Variants in CLTC observed in about 807,000 individuals in gnomAD.
The protein encoded by CLTC is clathrin heavy chain 1.
CLTC carries 16 observed loss-of-function variants against 195.8 expected under a neutral mutation model. The ratio of observed to expected loss-of-function variants is 0.08; its 90% CI spans 0.06 to 0.12. The LOEUF (loss-of-function observed/expected upper bound fraction) is 0.12. Ranked by LOEUF, CLTC falls within the 10% of genes least tolerant of loss-of-function variation. The pLI is 1.00. For missense variants in CLTC, 796 were observed against 2,027.0 expected (o/e 0.39, Z 11.66); for synonymous variants, 667 against 689.4 (o/e 0.97, Z 0.51).
At chr17:59,623,631 G>A (rs1312899637) in intron 1 of CLTC, among the ~76,000 whole-genome samples, 1 of 152,070 alleles carries the variant, frequency 6.6e-6, no homozygotes, top group Non-Finnish European at 1.5e-5. Flanking sequence ...CATTTATATC[G>A]AATCCTCAGC....
intron 1 of CLTC, among the ~76,000 whole-genome samples, chr17:59,623,160 A>C (rs2031436627): frequency 1.3e-5 from 2 of 152,142 alleles, no homozygotes; most frequent in Admixed American, 6.5e-5. Flanking sequence ...TTCAATTAAA[A>C]ATCTCCCTAC....
At chr17:59,684,447 C>G (rs930253709) in intron 28 of CLTC, 4 of 169,932 alleles carry the variant, frequency 2.4e-5, no homozygotes, top group African/African-American at 4.8e-5. Flanking sequence ...CTTTGAGGCT[C>G]AGCGCATGCA....
rs2143595404 is a variant in CLTC, at chr17:59,683,097, T to C, written c.3876T>C (p.Asp1292=). 1 of 1,614,096 alleles carries C rather than the reference T, an allele frequency of 6.2e-7. No homozygotes were observed. Among genetic ancestry groups the C allele is most frequent in the East Asian group, 2.2e-5 (1 of 44,878 alleles). Residue 1292 remains aspartate, a splice_region_variant and synonymous_variant, in exon 25 of 32, where the codon GAT becomes GAC. Transcript: ENST00000269122. The surrounding 1 kb of genome is among the most constrained non-coding windows in gnomAD (Gnocchi z 6.1). ...ELEELINYYQ[D]RGYFEELITM... ...AACTGCACATTTCTCTTGTTCAGGA[T>C]CGTGGCTATTTTGAAGAGCTGATCA...
At chr17:59,627,663 G>A (rs1304493300) in intron 1 of CLTC, among the ~76,000 whole-genome samples, 1 of 152,104 alleles carries the variant, frequency 6.6e-6, no homozygotes, top group African/African-American at 2.4e-5. Context: ...TTTATGCCTT[G>A]AATGATTATT....
In CLTC at chr17:59,695,318, A is replaced by G. The variant is rs2033395080; in HGVS notation, c.*1466A>G. On this transcript the variant is annotated 3_prime_UTR_variant, in exon 32 of 32. Coordinates refer to ENST00000269122, the MANE Select transcript of CLTC (RefSeq NM_004859.4). ...GCACTGCTTTACAACTCTCTTAGGC[A>G]AATTACCTAACATAAGCTCCACAGA... 5.4e-6 allele frequency: 1 copy of G among 186,158 alleles called. No individual in the cohort carries two copies. The highest frequency in any genetic ancestry group is 2.0e-4 in the South Asian group (1 of 5,110). The allele number at this position is 186,158 out of a possible 1,614,324, so 11.5% of individuals were successfully genotyped here.
chr17:59,661,495 A>C lies in CLTC; in HGVS notation c.1220A>C (p.Gln407Pro). ...CGTCGGTTCCAGAGTGTCCCAGCCC[A>C]GCCAGGTCAAACTTCTCCTCTACTT... ...TIRRFQSVPA[Q>P]PGQTSPLLQY... The change falls in exon 8 of 32, where the codon CAG becomes CCG. Residue 407 changes from glutamine to proline, a missense_variant. Gln to Pro is a moderately conservative substitution (Grantham distance 76). This residue lies in a region of CLTC where 293 missense variants were observed against 795.6 expected (regional missense o/e 0.37). Transcript: ENST00000269122. The C allele has an allele frequency of 1.2e-6, 2 of 1,614,160 alleles. No individual in the cohort carries two copies. The highest frequency in any genetic ancestry group is 1.7e-6 in the Non-Finnish European group (2 of 1,180,008).
rs776796665 is a variant in CLTC, at chr17:59,679,323, G to C, written c.2797-74G>C. The stretch of plus-strand genomic sequence containing the variant: ...ATCAATAAACATAGTTTAAAAGATA[G>C]GAAATACCCTCTAAAATGCTATAAA... On this transcript the variant is annotated intron_variant, in intron 17 of 31. Coordinates refer to ENST00000269122, the MANE Select transcript of CLTC (RefSeq NM_004859.4). The C allele has an allele frequency of 4.8e-6, 6 of 1,256,476 alleles. No homozygotes were observed. The Admixed American group carries it at 7.3e-5, about 15-fold the overall frequency. 77.8% of individuals were successfully genotyped at this position (1,256,476 alleles called of 1,614,324 possible). A position where few individuals can be genotyped will look rare whatever the true frequency, so the allele number is the denominator to read the frequency against.
intron 1 of CLTC, among the ~76,000 whole-genome samples, chr17:59,624,001 G>A (rs2031465402): frequency 6.6e-6 from 1 of 152,236 alleles, no homozygotes; most frequent in Admixed American, 6.5e-5. Context: ...AGAATATTTC[G>A]TTAGCTAAAA....
Position 59,683,971 on chromosome 17 carries a change from G to C in CLTC, c.4420G>C (p.Glu1474Gln). Residue 1474 changes from glutamate to glutamine, a missense_variant, in exon 28 of 32, where the codon GAA becomes CAA. Physicochemically the swap from Glu to Gln is conservative, Grantham distance 29 (BLOSUM62 2). Transcript: ENST00000269122. The surrounding 1 kb of genome is among the most constrained non-coding windows in gnomAD (Gnocchi z 6.1). ...NESLNNLFIT[E>Q]EDYQALRTSI... ...ATCATTGAACAATCTTTTTATTACA[G>C]AAGAAGATTATCAGGTAAAACCTTT... 1 of 1,582,740 alleles carries C rather than the reference G, an allele frequency of 6.3e-7. No homozygotes were observed. Among genetic ancestry groups the C allele is most frequent in the Non-Finnish European group, 8.7e-7 (1 of 1,151,642 alleles).
intron 1 of CLTC, among the ~76,000 whole-genome samples, chr17:59,634,350 C>G (rs2031805986): frequency 6.6e-6 from 1 of 152,170 alleles, no homozygotes; most frequent in Admixed American, 6.5e-5. Context: ...AAGTCATATC[C>G]ATCTCCAAGA....
chr17:59,687,467 G>A (rs1051993105), intron 30 of CLTC, among the ~76,000 whole-genome samples: 4 of 150,714 alleles, frequency 2.7e-5, no homozygotes, highest in Non-Finnish European at 4.4e-5. Flanking sequence ...ATATATACAT[G>A]CCCTAAAAGG....
intron 1 of CLTC, among the ~76,000 whole-genome samples, chr17:59,633,562 G>A (rs1377378981): frequency 6.6e-6 from 1 of 152,324 alleles, no homozygotes; most frequent in Non-Finnish European, 1.5e-5. Flanking sequence ...ATAACTTGTA[G>A]CACCTGGTAG....
At position 59,619,971 on chromosome 17, in the gene CLTC, C is replaced by G; in HGVS notation, c.-161C>G. 2 of 629,952 alleles carry G rather than the reference C, an allele frequency of 3.2e-6. No homozygotes were observed. Among genetic ancestry groups the G allele is most frequent in the Non-Finnish European group, 5.6e-6 (2 of 357,880 alleles). 39.0% of individuals were successfully genotyped at this position (629,952 alleles called of 1,614,324 possible). A position where few individuals can be genotyped will look rare whatever the true frequency, so the allele number is the denominator to read the frequency against. On this transcript the variant is annotated 5_prime_UTR_variant, in exon 1 of 32. Transcript: ENST00000269122. ...GGCCCCTGGAGCCTCCGCCCCCGACCCGAGCTCTTTCGTCTGCCTGCCAGT... is the reference window on the plus strand; with the variant it reads ...GGCCCCTGGAGCCTCCGCCCCCGACGCGAGCTCTTTCGTCTGCCTGCCAGT...
chr17:59,667,183 T>C (rs1351844863), intron 13 of CLTC: 5 of 366,108 alleles, frequency 1.4e-5, no homozygotes, highest in African/African-American at 1.0e-4. Context: ...TCTGTTTGGA[T>C]ATTTTATAGA....
At chr17:59,641,632 T>G (rs1372613078) in intron 1 of CLTC, among the ~76,000 whole-genome samples, 1 of 140,862 alleles carries the variant, frequency 7.1e-6, no homozygotes, top group African/African-American at 2.6e-5. Context: ...AAAAAAGAGT[T>G]TGTCACTTGC....
chr17:59,684,828 GC>G (rs1175583438), intron 28 of CLTC, among the ~76,000 whole-genome samples: 1 of 126,136 alleles, frequency 7.9e-6, no homozygotes, highest in African/African-American at 3.0e-5. Context: ...AAAAAATCTT[GC>G]CCTCCAAATT....
chr17:59,685,883 A>G lies in CLTC; in HGVS notation c.4827+75A>G. Reference sequence around the variant, plus strand: ...TTCTACATGCACATTAATTTTTTTAAATGCTTTTTTCTTTAGTAGAAGTAA... The same window carrying G: ...TTCTACATGCACATTAATTTTTTTAGATGCTTTTTTCTTTAGTAGAAGTAA... On this transcript the variant is annotated intron_variant, in intron 30 of 31. Transcript: ENST00000269122. This position sits in a 1 kb window ranked among gnomAD's most constrained non-coding sequence, Gnocchi z 5.0. 8.6e-7 allele frequency: 1 copy of G among 1,163,566 alleles called. No individual in the cohort carries two copies. The allele number at this position is 1,163,566 out of a possible 1,614,324, so 72.1% of individuals were successfully genotyped here. A position where few individuals can be genotyped will look rare whatever the true frequency, so the allele number is the denominator to read the frequency against.
chr17:59,636,738 G>A (rs1189155031), intron 1 of CLTC, among the ~76,000 whole-genome samples: 3 of 151,848 alleles, frequency 2.0e-5, no homozygotes, highest in African/African-American at 7.3e-5. Flanking sequence ...ACTTCAGCTT[G>A]CATCTTTAGA....
In CLTC at chr17:59,685,424, GCTTAT is replaced by G. The variant is rs199923411; in HGVS notation, c.4606-160_4606-156del. The stretch of plus-strand genomic sequence containing the variant: ...TTGTCTGGGGAAAAAAAAGCTTTTA[GCTTAT>G]CTCTTCTTTGAAAATTTTAATTTAA... On this transcript the variant is annotated intron_variant, in intron 29 of 31. Transcript: ENST00000269122. The surrounding 1 kb of genome is among the most constrained non-coding windows in gnomAD (Gnocchi z 5.0). Among the ~76,000 whole-genome samples, 155 of 152,220 alleles carry G rather than the reference GCTTAT, an allele frequency of 1.0e-3. 5 individuals are homozygous for G. The East Asian group carries it at 0.025, about 25-fold the overall frequency.
Sources: gnomAD v4.1 joint callset for allele counts (sites outside exome capture counted in the v4.1 genomes callset) on GRCh38, gnomAD v4.1.1 for gene constraint, gnomAD v4.1.1 regional missense constraint, Gnocchi (gnomAD v3.1) non-coding constraint, MANE v1.5 for transcripts, NCBI Gene and HGNC (gene_info 2026-07-23, HGNC 2026-07-21) for gene names.